Variants in NRDC observed in about 807,000 individuals in gnomAD.
The protein encoded by NRDC is nardilysin.
Under a neutral mutation model 147.1 loss-of-function variants are expected in NRDC, and 54 were observed. The ratio of observed to expected loss-of-function variants is 0.37; its 90% CI spans 0.29 to 0.46. NRDC has a LOEUF of 0.46. NRDC is among the 20% of genes least tolerant of loss of function. The probability of loss-of-function intolerance (pLI) is 1.00; values close to 1 mark genes in which losing one functional copy is unlikely to be tolerated. For synonymous variants in NRDC, 440 were observed against 482.1 expected (o/e 0.91, Z 1.14); for missense variants, 1,082 against 1,370.6 (o/e 0.79, Z 3.33).
At chr1:51,804,066 T>C in intron 19 of NRDC, 102 bp from the exon 20 acceptor site, 3 of 988,528 alleles carry the variant, frequency 3.0e-6, no homozygotes, top group African/African-American at 1.6e-5. Flanking sequence ...TTAGAAAGTA[T>C]AAATTCTCTA....
intron 4 of NRDC, among the ~76,000 whole-genome samples, chr1:51,830,489 T>C (rs949321982): frequency 9.9e-5 from 15 of 152,238 alleles, no homozygotes; most frequent in Non-Finnish European, 1.9e-4. Context: ...AGATGCCTTA[T>C]GTTTGCTTCT....
chr1:51,847,522 T>A (rs968348510), intron 1 of NRDC, among the ~76,000 whole-genome samples: 5 of 152,202 alleles, frequency 3.3e-5, no homozygotes, highest in Non-Finnish European at 7.4e-5. Context: ...AGCCCTGCCC[T>A]GCGGGGAGTC....
chr1:51,807,927 T>TC (rs949307636), intron 17 of NRDC, among the ~76,000 whole-genome samples: 5 of 150,566 alleles, frequency 3.3e-5, no homozygotes, highest in African/African-American at 1.2e-4. Context: ...TGCCTTAGCC[T>TC]CCCAAATAGC....
chr1:51,846,825 G>A (rs182827557), intron 1 of NRDC, among the ~76,000 whole-genome samples: 7 of 152,336 alleles, frequency 4.6e-5, no homozygotes, highest in African/African-American at 9.6e-5. Flanking sequence ...ACAGAGAGCC[G>A]ATTGGTCTGT....
chr1:51,874,191 C>T (rs183063203), intron 1 of NRDC, among the ~76,000 whole-genome samples: 167 of 150,140 alleles, frequency 1.1e-3, no homozygotes, highest in African/African-American at 4.0e-3. Flanking sequence ...TTTGTTCTTT[C>T]CTTCTCCATA....
chr1:51,824,228 C>T (rs1398324473), intron 6 of NRDC, among the ~76,000 whole-genome samples: 2 of 151,326 alleles, frequency 1.3e-5, no homozygotes, highest in African/African-American at 4.9e-5. Flanking sequence ...TGGGTTCAAG[C>T]GATTCTCCTG....
chr1:51,814,346 G>A (rs1338013312), intron 13 of NRDC: 1 of 578,692 alleles, frequency 1.7e-6, no homozygotes, highest in Non-Finnish European at 3.0e-6. Context: ...AGAGAAGCGT[G>A]AAAATAAAGG....
chr1:51,847,792 C>T (rs922885989), intron 1 of NRDC, among the ~76,000 whole-genome samples: 4 of 152,220 alleles, frequency 2.6e-5, no homozygotes, highest in Admixed American at 1.3e-4. Context: ...CTCCAGCCTC[C>T]GCCATCCCAG....
At chr1:51,825,187 T>C (rs746692456) in intron 6 of NRDC, 100 bp downstream of exon 6, 38 of 799,278 alleles carry the variant, frequency 4.8e-5, no homozygotes, top group Non-Finnish European at 7.5e-5. Context: ...AAAAGGTACC[T>C]AGGGACTCTA....
intron 1 of NRDC, among the ~76,000 whole-genome samples, chr1:51,861,012 T>TGGAATACAGTGGCAC (rs1682505929): frequency 6.6e-6 from 1 of 151,226 alleles, no homozygotes; most frequent in Non-Finnish European, 1.5e-5. Flanking sequence ...TACAGTGGCA[T>TGGAATACAGTGGCAC]GAGCTTGGCT....
intron 1 of NRDC, among the ~76,000 whole-genome samples, chr1:51,843,241 T>C (rs1288617349): frequency 1.3e-5 from 2 of 149,376 alleles, no homozygotes; most frequent in Non-Finnish European, 3.0e-5. Flanking sequence ...AAAAAGCAGA[T>C]GCAGGAAAGC....
At chr1:51,792,325 C>T (rs1045199307) in intron 25 of NRDC, 52 bp downstream of exon 25, 2 of 1,588,522 alleles carry the variant, frequency 1.3e-6, no homozygotes, top group Non-Finnish European at 1.7e-6. Flanking sequence ...GGCCGGGCCT[C>T]ATAGTGGGTC....
chr1:51,846,938 A>T (rs1681654748), intron 1 of NRDC, among the ~76,000 whole-genome samples: 1 of 152,218 alleles, frequency 6.6e-6, no homozygotes, highest in Admixed American at 6.5e-5. Context: ...TAGATTAGCT[A>T]GATACAGAGT....
intron 1 of NRDC, among the ~76,000 whole-genome samples, chr1:51,863,949 T>C (rs559766379): frequency 6.6e-6 from 1 of 152,328 alleles, no homozygotes; most frequent in Admixed American, 6.5e-5. Context: ...ATCAATAGCT[T>C]AACCTAGCCT....
intron 1 of NRDC, among the ~76,000 whole-genome samples, chr1:51,843,717 A>G (rs1426596610): frequency 6.6e-6 from 1 of 152,238 alleles, no homozygotes; most frequent in African/African-American, 2.4e-5. Context: ...ACCCAACAGC[A>G]GGACAAGTTA....
At chr1:51,849,393 C>T (rs879820088) in intron 1 of NRDC, among the ~76,000 whole-genome samples, 10 of 151,326 alleles carry the variant, frequency 6.6e-5, no homozygotes, top group Admixed American at 2.0e-4. Flanking sequence ...ACAACTTGGG[C>T]GACAGGGCAA....
At chr1:51,863,304 A>G (rs768579225) in intron 1 of NRDC, among the ~76,000 whole-genome samples, 8 of 152,080 alleles carry the variant, frequency 5.3e-5, no homozygotes, top group Admixed American at 2.0e-4. Flanking sequence ...TGGGAGACTG[A>G]AGCAGAAGGA....
chr1:51,873,726 G>A (rs1164816070), intron 1 of NRDC, among the ~76,000 whole-genome samples: 6 of 151,422 alleles, frequency 4.0e-5, no homozygotes, highest in Admixed American at 2.0e-4. Flanking sequence ...GGCCAGGCTG[G>A]TCTTGAACTC....
chr1:51,863,261 G>A (rs1464775643), intron 1 of NRDC, among the ~76,000 whole-genome samples: 1 of 151,904 alleles, frequency 6.6e-6, no homozygotes, highest in African/African-American at 2.4e-5. Flanking sequence ...AATTAGCTGG[G>A]CATGGTGGCG....
Sources: allele counts gnomAD v4.1 joint callset (sites outside exome capture counted in the v4.1 genomes callset), GRCh38; gene constraint gnomAD v4.1.1; transcripts MANE v1.5; gene names NCBI Gene and HGNC (gene_info 2026-07-23, HGNC 2026-07-21).